CCSER1: variants seen among roughly 807,000 people sequenced by gnomAD.
CCSER1 encodes the protein coiled-coil serine rich protein 1.
CCSER1 carries 41 observed loss-of-function variants against 82.0 expected under a neutral mutation model. The observed-to-expected ratio is 0.50, with a 90% CI of 0.39 to 0.65. The LOEUF (loss-of-function observed/expected upper bound fraction) is 0.65, where lower values mean the gene tolerates loss of function less well. Among genes scored for constraint, CCSER1 ranks in the 30% least tolerant of loss-of-function variants. The pLI, the probability that CCSER1 is intolerant of heterozygous loss-of-function variation, is 0.00. For missense variants in CCSER1, 1,119 were observed against 1,064.2 expected (o/e 1.05, Z -0.72); for synonymous variants, 414 against 383.9 (o/e 1.08, Z -0.92).
At chr4:91,448,545 G>A (rs1409208556) in intron 10 of CCSER1, among the ~76,000 whole-genome samples, 1 of 151,854 alleles carries the variant, frequency 6.6e-6, no homozygotes. Flanking sequence ...TGCTTATTTT[G>A]AGTGTTAAGA....
chr4:90,229,747 G>A (rs898972196), intron 1 of CCSER1, among the ~76,000 whole-genome samples: 11 of 152,182 alleles, frequency 7.2e-5, no homozygotes, highest in East Asian at 1.9e-4. Context: ...AGAGACACAC[G>A]TAGGCTCAAA....
chr4:91,116,532 G>A (rs553267432), intron 10 of CCSER1, among the ~76,000 whole-genome samples: 142 of 152,290 alleles, frequency 9.3e-4, no homozygotes, highest in African/African-American at 3.4e-3. Context: ...CTTAAAATGG[G>A]AGACAGTTGT....
chr4:90,918,316 A>C (rs928849103), intron 8 of CCSER1: 2 of 446,582 alleles, frequency 4.5e-6, no homozygotes, highest in African/African-American at 4.1e-5. Flanking sequence ...AATTTCATCA[A>C]CTTTTATGTA....
intron 1 of CCSER1, among the ~76,000 whole-genome samples, chr4:90,209,953 AG>A (rs1253689992): frequency 6.6e-6 from 1 of 151,818 alleles, no homozygotes; most frequent in Non-Finnish European, 1.5e-5. Context: ...TACTTTAATC[AG>A]GCAGTTTTGT....
chr4:91,592,827 T>A (rs1402995201), intron 10 of CCSER1, among the ~76,000 whole-genome samples: 1 of 151,192 alleles, frequency 6.6e-6, no homozygotes, highest in African/African-American at 2.4e-5. Flanking sequence ...AAAGCAATAT[T>A]TTTTTTTTGT....
rs966414890 is a variant in CCSER1, at chr4:91,363,843, G to T, written c.2218-234729G>T. ...ACAACCCTTTTTCATTTTCAATTTA[G>T]GGAACATTACTTTTAGTTTGAGGTT... On this transcript the variant is annotated intron_variant, in intron 10 of 10. Transcript: ENST00000509176. 4.6e-5 allele frequency among the ~76,000 whole-genome samples: 7 copies of T among 151,732 alleles called. No homozygotes were observed. In the East Asian group the frequency reaches 1.4e-3, roughly 29 times the overall value.
intron 10 of CCSER1, among the ~76,000 whole-genome samples, chr4:91,150,020 T>C (rs553535777): frequency 2.7e-4 from 41 of 152,298 alleles, no homozygotes; most frequent in Admixed American, 1.4e-3. Context: ...GTGGAGAAAG[T>C]CATTGGTAGC....
chr4:90,164,990 CAT>C (rs1348590354), intron 1 of CCSER1, among the ~76,000 whole-genome samples: 1 of 152,040 alleles, frequency 6.6e-6, no homozygotes, highest in Non-Finnish European at 1.5e-5. Flanking sequence ...ATCAAAAAGA[CAT>C]ATAGATATTT....
chr4:90,936,957 GA>G (rs984031211), intron 9 of CCSER1, among the ~76,000 whole-genome samples: 43 of 149,898 alleles, frequency 2.9e-4, no homozygotes, highest in African/African-American at 9.8e-4. Context: ...TTATGTAAAA[GA>G]AAAAAAAAGA....
intron 5 of CCSER1, among the ~76,000 whole-genome samples, chr4:90,499,375 A>G (rs1769498435): frequency 1.3e-5 from 2 of 152,082 alleles, no homozygotes; most frequent in Non-Finnish European, 1.5e-5. Flanking sequence ...TGCCCTTACC[A>G]ATGCTGAAGT....
At chr4:90,557,149 A>G (rs2153645191) in intron 5 of CCSER1, among the ~76,000 whole-genome samples, 1 of 152,080 alleles carries the variant, frequency 6.6e-6, no homozygotes, top group African/African-American at 2.4e-5. Context: ...AGATATACTA[A>G]AAGTTTTATG....
At chr4:90,520,232 T>C (rs1012185282) in intron 5 of CCSER1, among the ~76,000 whole-genome samples, 1 of 151,604 alleles carries the variant, frequency 6.6e-6, no homozygotes, top group Non-Finnish European at 1.5e-5. Flanking sequence ...TTATATATGA[T>C]ATGAAATTTA....
At chr4:90,968,236 C>T (rs572580737) in intron 9 of CCSER1, among the ~76,000 whole-genome samples, 1 of 151,716 alleles carries the variant, frequency 6.6e-6, no homozygotes, top group South Asian at 2.1e-4. Context: ...AATAAAAGAA[C>T]CAAAATAGTA....
chr4:91,129,096 A>G (rs1214197516), intron 10 of CCSER1, among the ~76,000 whole-genome samples: 1 of 152,038 alleles, frequency 6.6e-6, no homozygotes, highest in Admixed American at 6.6e-5. Context: ...AATTTCAAGC[A>G]TCACATTTTC....
intron 8 of CCSER1, among the ~76,000 whole-genome samples, chr4:90,882,619 A>G (rs933979712): frequency 6.6e-6 from 1 of 152,094 alleles, no homozygotes; most frequent in East Asian, 1.9e-4. Flanking sequence ...AAGAGCCAAT[A>G]CTTTTATAAC....
intron 1 of CCSER1, among the ~76,000 whole-genome samples, chr4:90,261,936 T>A (rs1247678214): frequency 6.6e-6 from 1 of 152,154 alleles, no homozygotes; most frequent in Non-Finnish European, 1.5e-5. Flanking sequence ...CTTTCATTTC[T>A]AGAAGTTCTG....
intron 8 of CCSER1, among the ~76,000 whole-genome samples, chr4:90,857,401 A>G (rs1764577151): frequency 6.6e-6 from 1 of 152,084 alleles, no homozygotes. Context: ...ATGGCAGCTT[A>G]TTTCCTCTAA....
At chr4:90,285,272 A>G (rs748962557) in intron 1 of CCSER1, among the ~76,000 whole-genome samples, 23 of 152,206 alleles carry the variant, frequency 1.5e-4, no homozygotes, top group Non-Finnish European at 3.1e-4. Context: ...CTTCTAATTC[A>G]TGAACATGGA....
chr4:90,762,268 T>C (rs1053065695), intron 7 of CCSER1, among the ~76,000 whole-genome samples: 1 of 152,156 alleles, frequency 6.6e-6, no homozygotes, highest in Non-Finnish European at 1.5e-5. Flanking sequence ...CACTTCTCCT[T>C]GCTGCTGCCA....
Sources: gnomAD v4.1 joint callset for allele counts (sites outside exome capture counted in the v4.1 genomes callset) on GRCh38, gnomAD v4.1.1 for gene constraint, MANE v1.5 for transcripts, NCBI Gene and HGNC (gene_info 2026-07-23, HGNC 2026-07-21) for gene names.